HPD: variants seen among roughly 807,000 people sequenced by gnomAD.
The protein encoded by HPD is 4-hydroxyphenylpyruvic acid oxidase.
In HPD, 35 loss-of-function variants were observed where a neutral mutation model predicts 56.9. The observed-to-expected ratio is 0.62, with a 90% confidence interval of 0.47 to 0.82. HPD has a LOEUF of 0.82. Ranked by LOEUF, HPD falls within the 40% of genes least tolerant of loss-of-function variation. The probability of loss-of-function intolerance (pLI) is 0.00; values close to 1 mark genes in which losing one functional copy is unlikely to be tolerated. For missense variants in HPD, 442 were observed against 506.8 expected (o/e 0.87, Z 1.23); for synonymous variants, 186 against 200.2 (o/e 0.93, Z 0.60).
At chr12:121,855,389 G>A (rs1186303500) in intron 6 of HPD, among the ~76,000 whole-genome samples, 3 of 152,122 alleles carry the variant, frequency 2.0e-5, no homozygotes, top group Admixed American at 6.6e-5. Flanking sequence ...CTGCCTGTTG[G>A]GTACAGTGTT....
chr12:121,856,929 C>T lies in HPD; in HGVS notation c.199-304G>A, dbSNP rs937866850. 5.8e-6 allele frequency: 3 copies of T among 519,516 alleles called. No individual in the cohort carries two copies. In the East Asian group the frequency reaches 1.1e-4, roughly 18 times the overall value. 32.2% of individuals were successfully genotyped at this position (519,516 alleles called of 1,614,324 possible). ...CCTCTCCTCTGATATCCCAGGTTTT[C>T]TGAGCACCTGTGGGGTCAGTGTTGG... On this transcript the variant is annotated intron_variant, in intron 4 of 13. Transcript: ENST00000289004.
intron 7 of HPD, among the ~76,000 whole-genome samples, chr12:121,850,802 G>A (rs922451277): frequency 1.3e-4 from 19 of 147,002 alleles, no homozygotes; most frequent in African/African-American, 4.3e-4. Context: ...AGGTTCAAGC[G>A]ATTCTCCTGC....
chr12:121,857,824 A>G lies in HPD; in HGVS notation c.31-5T>C, dbSNP rs1878061462. The G allele has an allele frequency of 1.2e-6, 2 of 1,613,188 alleles. No individual in the cohort carries two copies. The highest frequency in any genetic ancestry group is 1.7e-4 in the Middle Eastern group (1 of 6,050). ...GAGGAATCGGCCTCTCTCAGGCTGC[A>G]GAAGGAGAGAAGAGGTGAGGTTGAG... On this transcript the variant is annotated splice_polypyrimidine_tract_variant and splice_region_variant and intron_variant, in intron 2 of 13. Transcript: ENST00000289004.
At chr12:121,873,590 G>A in the HPD span, among the ~76,000 whole-genome samples, 9 of 151,554 alleles carry the variant, frequency 5.9e-5, no homozygotes, top group East Asian at 3.9e-4. Flanking sequence ...AAGCTGAGGC[G>A]GGCGGATCAC....
In HPD at chr12:121,851,687, A is replaced by ATTTTTTTTTTTTT. The variant is rs1267886581; in HGVS notation, c.415-1898_415-1897insAAAAAAAAAAAAA. On this transcript the variant is annotated intron_variant, in intron 7 of 13. Coordinates refer to ENST00000289004, the MANE Select transcript of HPD (RefSeq NM_002150.3). ...CTTTTTAAAACATTTTTATTCATTTATTTATTTATTTATTTTTTTTTTTTT... is the reference window on the plus strand; with the variant it reads ...CTTTTTAAAACATTTTTATTCATTTATTTTTTTTTTTTTTTTATTTATTTATTTTTTTTTTTTT... 3.2e-5 allele frequency among the ~76,000 whole-genome samples: 3 copies of ATTTTTTTTTTTTT among 92,400 alleles called. 1 individual carries two copies. Among genetic ancestry groups the ATTTTTTTTTTTTT allele is most frequent in the African/African-American group, 1.3e-4 (3 of 23,390 alleles). The allele number at this position is 92,400 out of a possible 152,430, so 60.6% of individuals were successfully genotyped here.
chr12:121,857,856 A>C lies in HPD; in HGVS notation c.31-37T>G, dbSNP rs758091961. On this transcript the variant is annotated intron_variant, in intron 2 of 13. Coordinates refer to ENST00000289004, the MANE Select transcript of HPD (RefSeq NM_002150.3). ...GAGAAGAGGTGAGGTTGAGTCCCTG[A>C]AAGTGAGTCTAGAAAAGTGCGGGTG... The C allele has an allele frequency of 3.8e-6, 6 of 1,560,382 alleles. No homozygotes were observed. In the South Asian group the frequency reaches 6.7e-5, roughly 17 times the overall value.
intron 6 of HPD, 143 bp from the exon 7 acceptor site, chr12:121,854,935 C>T: frequency 1.4e-6 from 1 of 705,664 alleles, no homozygotes; most frequent in Non-Finnish European, 2.6e-6. Context: ...CAGCCAGCTT[C>T]AGCCATTACC....
upstream of HPD, among the ~76,000 whole-genome samples, chr12:121,867,800 G>A (rs1413456829): frequency 6.6e-6 from 1 of 152,048 alleles, no homozygotes; most frequent in Non-Finnish European, 1.5e-5. Flanking sequence ...GGGATTACAG[G>A]TGTCAGCCAC....
intron 8 of HPD, among the ~76,000 whole-genome samples, 164 bp downstream of exon 8, chr12:121,849,523 C>T (rs573760592): frequency 6.6e-6 from 1 of 152,210 alleles, no homozygotes; most frequent in East Asian, 1.9e-4. Context: ...GCCATGGTCT[C>T]AGCCTCTGTG....
chr12:121,856,595 G>C lies in HPD; in HGVS notation c.229C>G (p.Pro77Ala). The C allele has an allele frequency of 6.2e-7, 1 of 1,614,132 alleles. No homozygotes were observed. The highest frequency in any genetic ancestry group is 8.5e-7 in the Non-Finnish European group (1 of 1,180,002). Residue 77 changes from proline to alanine, a missense_variant, in exon 5 of 14, where the codon CCC becomes GCC. Pro to Ala is a conservative substitution (Grantham distance 27). Coordinates refer to ENST00000289004, the MANE Select transcript of HPD (RefSeq NM_002150.3). ...IVFVLSSALN[P>A]WNKEMGDHLV... ...CCGGGCACCTCACCTTTGTTCCAGG[G>C]GTTGAGCGCTGAGGAGAGGACAAAC...
At chr12:121,868,655 G>A in the HPD span, among the ~76,000 whole-genome samples, 1 of 151,762 alleles carries the variant, frequency 6.6e-6, no homozygotes, top group Non-Finnish European at 1.5e-5. Context: ...GAGTAGCCTG[G>A]GATTACAGGC....
intron 4 of HPD, chr12:121,857,095 G>A (rs1198310865): frequency 7.7e-6 from 4 of 521,058 alleles, no homozygotes; most frequent in Middle Eastern, 5.3e-4. Flanking sequence ...GTTTTTTTTT[G>A]TTGAGATGGA....
upstream of HPD, among the ~76,000 whole-genome samples, chr12:121,863,890 CT>C (rs1321225359): frequency 1.3e-5 from 2 of 151,790 alleles, no homozygotes; most frequent in Non-Finnish European, 2.9e-5. Context: ...TGAAATGAAG[CT>C]TTCTGGTTAA....
At chr12:121,869,355 A>G in the HPD span, among the ~76,000 whole-genome samples, 1 of 7,568 alleles carries the variant, frequency 1.3e-4, no homozygotes, top group Non-Finnish European at 3.2e-4. Flanking sequence ...CGTCTCAAAA[A>G]AAAAAAAAAA....
upstream of HPD, among the ~76,000 whole-genome samples, chr12:121,865,849 C>T (rs2928283): frequency 0.49 from 74,789 of 151,184 alleles, 18,816 homozygotes; most frequent in Non-Finnish European, 0.52. Context: ...AAGAGCTGGG[C>T]GTAGTGTTGG....
chr12:121,860,769 GT>G (rs1471898494), upstream of HPD, among the ~76,000 whole-genome samples: 1 of 152,222 alleles, frequency 6.6e-6, no homozygotes, highest in Non-Finnish European at 1.5e-5. Flanking sequence ...GCTGGGCCTG[GT>G]AGTGAGCACC....
At chr12:121,847,262 CG>C in intron 9 of HPD, 48 bp from the exon 10 acceptor site, 1 of 1,579,884 alleles carries the variant, frequency 6.3e-7, no homozygotes, top group Non-Finnish European at 8.7e-7. Context: ...CCTCCAGGGA[CG>C]GCCTCCATCA....
intron 12 of HPD, 45 bp downstream of exon 12, chr12:121,843,665 G>A: frequency 6.2e-7 from 1 of 1,611,062 alleles, no homozygotes. Flanking sequence ...GCAATGCAGA[G>A]CTCATACTCC....
In HPD at chr12:121,840,062, A is replaced by G. The variant is rs1350808732; in HGVS notation, c.955-14T>C. 5 of 1,557,916 alleles carry G rather than the reference A, an allele frequency of 3.2e-6. No homozygotes were observed. The highest frequency in any genetic ancestry group is 3.5e-6 in the Non-Finnish European group (4 of 1,129,030). ...GATTTTCAGCTCCTAGGCGGGAGACAGGGGGCTCTGCTAGGGGAGGCTGGC... is the reference window on the plus strand; with the variant it reads ...GATTTTCAGCTCCTAGGCGGGAGACGGGGGGCTCTGCTAGGGGAGGCTGGC... On this transcript the variant is annotated splice_polypyrimidine_tract_variant and intron_variant, in intron 12 of 13. Transcript: ENST00000289004.
Sources: gnomAD v4.1 joint callset for allele counts (sites outside exome capture counted in the v4.1 genomes callset) on GRCh38, gnomAD v4.1.1 for gene constraint, MANE v1.5 for transcripts, NCBI Gene and HGNC (gene_info 2026-07-23, HGNC 2026-07-21) for gene names.